The following LRP1B variants were observed in gnomAD, a reference collection of about 807,000 sequenced individuals.
LRP1B encodes low-density lipoprotein receptor-related protein 1B.
Under a neutral mutation model 556.6 loss-of-function variants are expected in LRP1B, and 217 were observed. The observed-to-expected ratio is 0.39, with a 90% confidence interval of 0.35 to 0.44. LRP1B has a LOEUF of 0.44. Ranked by LOEUF, LRP1B falls within the 20% of genes least tolerant of loss-of-function variation. The probability of loss-of-function intolerance (pLI) is 1.00; values close to 1 mark genes in which losing one functional copy is unlikely to be tolerated. For missense variants in LRP1B, 5,053 were observed against 5,620.8 expected, an observed-to-expected ratio of 0.90 and a Z score of 3.23; for synonymous variants, 2,047 against 1,865.8, an observed-to-expected ratio of 1.10 and a Z score of -2.50.
intron 2 of LRP1B, among the ~76,000 whole-genome samples, chr2:141,585,085 CTT>C (rs1300536039): frequency 6.6e-6 from 1 of 152,068 alleles, no homozygotes; most frequent in Non-Finnish European, 1.5e-5. Flanking sequence ...TTAGGAAAAA[CTT>C]GTGAAATTAG....
At chr2:141,568,151 A>T (rs1686400356) in intron 2 of LRP1B, among the ~76,000 whole-genome samples, 1 of 151,230 alleles carries the variant, frequency 6.6e-6, no homozygotes, top group South Asian at 2.1e-4. Flanking sequence ...TAACTAACCA[A>T]GGAAAGAAGC....
intron 5 of LRP1B, among the ~76,000 whole-genome samples, chr2:141,239,055 C>T (rs1313195597): frequency 6.6e-6 from 1 of 151,962 alleles, no homozygotes; most frequent in Non-Finnish European, 1.5e-5. Context: ...CAGGATGAAA[C>T]ATCCTAGGAA....
chr2:140,772,816 A>C (rs1386134034), intron 33 of LRP1B, among the ~76,000 whole-genome samples: 2 of 152,034 alleles, frequency 1.3e-5, no homozygotes, highest in African/African-American at 4.8e-5. Context: ...GAAATAAGGG[A>C]ATTGAAGAGG....
chr2:141,190,192 T>A (rs1377530385), intron 6 of LRP1B, among the ~76,000 whole-genome samples: 1 of 151,966 alleles, frequency 6.6e-6, no homozygotes, highest in Non-Finnish European at 1.5e-5. Context: ...TTTCTGTAGC[T>A]CAGGATACTA....
chr2:140,845,899 T>G (rs1220112341), intron 29 of LRP1B, among the ~76,000 whole-genome samples: 1 of 152,108 alleles, frequency 6.6e-6, no homozygotes, highest in African/African-American at 2.4e-5. Context: ...ACACATTTAT[T>G]AAAGTCCAAC....
intron 1 of LRP1B, among the ~76,000 whole-genome samples, chr2:141,871,972 T>C (rs1698601943): frequency 6.6e-6 from 1 of 151,716 alleles, no homozygotes; most frequent in South Asian, 2.1e-4. Flanking sequence ...CAGATCACAG[T>C]GGGAAAGAGA....
intron 2 of LRP1B, among the ~76,000 whole-genome samples, chr2:141,657,682 C>T (rs1301994737): frequency 6.6e-6 from 1 of 152,060 alleles, no homozygotes; most frequent in Non-Finnish European, 1.5e-5. Flanking sequence ...TGCAGGCTGT[C>T]CAACAGTAGT....
At chr2:141,753,263 C>CATATATATATATATATATAT (rs144027196) in intron 2 of LRP1B, among the ~76,000 whole-genome samples, 1,942 of 62,292 alleles carry the variant, frequency 0.031, 259 homozygotes, top group East Asian at 0.16. Flanking sequence ...TCTCTCTCTC[C>CATATATATATATATATATAT]ATATATATAT....
chr2:141,471,769 T>C (rs918703388), intron 3 of LRP1B, among the ~76,000 whole-genome samples: 2 of 152,192 alleles, frequency 1.3e-5, no homozygotes, highest in African/African-American at 4.8e-5. Context: ...CAAACAAAAT[T>C]TTATTGAAGT....
intron 1 of LRP1B, among the ~76,000 whole-genome samples, chr2:142,027,085 T>G (rs1236024231): frequency 6.6e-6 from 1 of 151,938 alleles, no homozygotes; most frequent in Admixed American, 6.6e-5. Flanking sequence ...TCAGATGAAA[T>G]AGATGAGGGG....
chr2:141,409,475 A>G (rs538850820), intron 3 of LRP1B, among the ~76,000 whole-genome samples: 75 of 152,274 alleles, frequency 4.9e-4, no homozygotes, highest in African/African-American at 1.7e-3. Context: ...GAGACGTTCA[A>G]TACGAATCAG....
chr2:141,038,071 G>GGGCAT, intron 11 of LRP1B, among the ~76,000 whole-genome samples: 1 of 151,858 alleles, frequency 6.6e-6, no homozygotes, highest in East Asian at 1.9e-4. Flanking sequence ...AGAGGTGAGT[G>GGGCAT]GGCATCAGAA....
At chr2:140,559,425 G>C (rs1680851614) in intron 43 of LRP1B, among the ~76,000 whole-genome samples, 1 of 151,988 alleles carries the variant, frequency 6.6e-6, no homozygotes, top group South Asian at 2.1e-4. Flanking sequence ...AGTAAGTACA[G>C]AGAATACAAA....
intron 66 of LRP1B, among the ~76,000 whole-genome samples, chr2:140,396,145 G>A (rs759373970): frequency 6.6e-6 from 1 of 152,146 alleles, no homozygotes; most frequent in Non-Finnish European, 1.5e-5. Flanking sequence ...GGGATAGAGA[G>A]GTCTTCAGAG....
intron 2 of LRP1B, among the ~76,000 whole-genome samples, chr2:141,538,419 C>T (rs1327329010): frequency 3.9e-5 from 6 of 152,110 alleles, no homozygotes; most frequent in African/African-American, 1.4e-4. Context: ...GGAATCACCA[C>T]TAAAAAGCCT....
At chr2:141,094,692 G>A (rs1700252651) in intron 7 of LRP1B, among the ~76,000 whole-genome samples, 1 of 152,136 alleles carries the variant, frequency 6.6e-6, no homozygotes, top group African/African-American at 2.4e-5. Flanking sequence ...TCTCTCTGTT[G>A]TTCTGATCTA....
In LRP1B at chr2:140,951,767, T is replaced by G; in HGVS notation, c.2968+93A>C. The stretch of plus-strand genomic sequence containing the variant: ...GCCGTTTTTCTTGGCTCTGCAAGAT[T>G]CCCCTACAAAGTACCTCTGAAGAAA... On this transcript the variant is annotated intron_variant, in intron 19 of 90. Coordinates refer to ENST00000389484, the MANE Select transcript of LRP1B (RefSeq NM_018557.3). 3.2e-6 allele frequency: 3 copies of G among 926,830 alleles called. 1 individual carries two copies. In the South Asian group the frequency reaches 4.6e-5, roughly 14 times the overall value. 57.4% of individuals were successfully genotyped at this position (926,830 alleles called of 1,614,324 possible). A position where few individuals can be genotyped will look rare whatever the true frequency, so the allele number is the denominator to read the frequency against.
rs969421915 is a variant in LRP1B, at chr2:140,685,995, C to G, written c.6799+14255G>C. 2.0e-5 allele frequency among the ~76,000 whole-genome samples: 3 copies of G among 152,208 alleles called. No homozygotes were observed. In the South Asian group the frequency reaches 6.2e-4, roughly 32 times the overall value. On this transcript the variant is annotated intron_variant, in intron 41 of 90. Transcript: ENST00000389484. ...ACTGTGGGCTGCAGCGCAAAAAAGACTGAACTTCATGGTGTGAAGGGATTT... is the reference window on the plus strand; with the variant it reads ...ACTGTGGGCTGCAGCGCAAAAAAGAGTGAACTTCATGGTGTGAAGGGATTT...
At chr2:142,061,082 C>A (rs1704889735) in intron 1 of LRP1B, among the ~76,000 whole-genome samples, 1 of 151,906 alleles carries the variant, frequency 6.6e-6, no homozygotes, top group African/African-American at 2.4e-5. Flanking sequence ...GAAAGAAATT[C>A]ATTTCTTTCC....
Sources: gnomAD v4.1 joint callset for allele counts (sites outside exome capture counted in the v4.1 genomes callset) on GRCh38, gnomAD v4.1.1 for gene constraint, MANE v1.5 for transcripts, NCBI Gene and HGNC (gene_info 2026-07-23, HGNC 2026-07-21) for gene names.